The following PRKCB variants were observed in gnomAD, a reference collection of about 807,000 sequenced individuals.
PRKCB encodes protein kinase C beta, also known as protein kinase C beta type.
In PRKCB, 13 loss-of-function variants were observed where a neutral mutation model predicts 81.5. The observed-to-expected ratio is 0.16, with a 90% confidence interval of 0.10 to 0.25. The LOEUF is 0.25. Ranked by LOEUF, PRKCB falls within the 10% of genes least tolerant of loss-of-function variation. The pLI is 1.00. For missense variants in PRKCB, 509 were observed against 875.7 expected (o/e 0.58, Z 5.29); for synonymous variants, 335 against 321.4 (o/e 1.04, Z -0.45).
intron 8 of PRKCB, among the ~76,000 whole-genome samples, chr16:24,114,192 C>T (rs80171712): frequency 0.062 from 8,984 of 145,930 alleles, 385 homozygotes; most frequent in Non-Finnish European, 0.092. Context: ...ATCAGTAATG[C>T]TCTGTTGCCC....
At chr16:24,138,864 T>A (rs1966876149) in intron 9 of PRKCB, among the ~76,000 whole-genome samples, 1 of 144,532 alleles carries the variant, frequency 6.9e-6, no homozygotes, top group Non-Finnish European at 1.5e-5. Context: ...TTTTTTTTTT[T>A]TTTTTTGAGA....
intron 2 of PRKCB, among the ~76,000 whole-genome samples, chr16:23,976,114 C>G (rs1007636264): frequency 2.4e-4 from 36 of 151,986 alleles, no homozygotes; most frequent in African/African-American, 8.7e-4. Context: ...CGAAACCAGC[C>G]TGGTCAACCT....
At chr16:24,126,371 G>C (rs1966844288) in intron 9 of PRKCB, among the ~76,000 whole-genome samples, 1 of 152,152 alleles carries the variant, frequency 6.6e-6, no homozygotes, top group Admixed American at 6.5e-5. Context: ...AATAAGCTGA[G>C]TTTTTACAAA....
intron 2 of PRKCB, among the ~76,000 whole-genome samples, chr16:23,879,482 C>CTT (rs546638229): frequency 1.4e-4 from 12 of 83,198 alleles, no homozygotes; most frequent in Non-Finnish European, 2.0e-4. Flanking sequence ...TTTAGCTATC[C>CTT]TTTTTTTTTT....
At chr16:24,201,240 G>A (rs1465792649) in intron 16 of PRKCB, among the ~76,000 whole-genome samples, 4 of 152,004 alleles carry the variant, frequency 2.6e-5, no homozygotes, top group African/African-American at 9.7e-5. Flanking sequence ...AAACTCCTAT[G>A]GTTTCAAATA....
At chr16:23,896,883 A>T (rs866757933) in intron 2 of PRKCB, among the ~76,000 whole-genome samples, 8 of 149,146 alleles carry the variant, frequency 5.4e-5, no homozygotes, top group Admixed American at 2.7e-4. Context: ...CATCCATCCA[A>T]CCATCCATCC....
rs552859355 is a variant in PRKCB, at chr16:24,178,898, GT to G, written c.1395-1891del. ...CTTAGGTTAAAAGAGGCATTTATTG[GT>G]GACATAACTGAAAAATCCAGGTGCA... On this transcript the variant is annotated intron_variant, in intron 12 of 16. Coordinates refer to ENST00000643927, the MANE Select transcript of PRKCB (RefSeq NM_002738.7). Among the ~76,000 whole-genome samples the G allele has an allele frequency of 1.8e-3, 275 of 152,208 alleles. 1 individual carries two copies. The highest frequency in any genetic ancestry group is 3.1e-3 in the Non-Finnish European group (213 of 67,974).
At chr16:23,843,790 CAAAAAAAAAAAAAAA>C (rs544908905) in intron 2 of PRKCB, among the ~76,000 whole-genome samples, 4 of 113,882 alleles carry the variant, frequency 3.5e-5, no homozygotes, top group Non-Finnish European at 7.0e-5. Flanking sequence ...GTATCTAGGC[CAAAAAAAAAAAAAAA>C]AAAAAAAAAA....
intron 3 of PRKCB, among the ~76,000 whole-genome samples, chr16:24,011,189 T>C (rs1003143356): frequency 2.6e-5 from 4 of 152,026 alleles, no homozygotes; most frequent in Admixed American, 6.6e-5. Flanking sequence ...TTTTTTTAAA[T>C]TGGAGGTAGG....
chr16:24,019,959 A>G (rs1965337202), intron 3 of PRKCB, among the ~76,000 whole-genome samples: 1 of 152,168 alleles, frequency 6.6e-6, no homozygotes, highest in Admixed American at 6.5e-5. Flanking sequence ...CTGTATCTGT[A>G]TATTACTTCC....
chr16:23,844,042 G>A (rs1962317560), intron 2 of PRKCB, among the ~76,000 whole-genome samples: 1 of 152,028 alleles, frequency 6.6e-6, no homozygotes, highest in Non-Finnish European at 1.5e-5. Flanking sequence ...ATCTTCTTTT[G>A]CTACTTTTCA....
chr16:23,929,988 A>T (rs756796472), intron 2 of PRKCB, among the ~76,000 whole-genome samples: 1 of 152,058 alleles, frequency 6.6e-6, no homozygotes, highest in Non-Finnish European at 1.5e-5. Flanking sequence ...TTATATGTGT[A>T]AGACATCTCT....
intron 5 of PRKCB, among the ~76,000 whole-genome samples, chr16:24,058,683 C>A (rs1403035366): frequency 6.6e-6 from 1 of 152,128 alleles, no homozygotes; most frequent in East Asian, 1.9e-4. Context: ...ATGAAGGTGC[C>A]TAGGGTTTCT....
intron 12 of PRKCB, 143 bp downstream of exon 12, chr16:24,174,723 G>T: frequency 1.3e-6 from 1 of 761,622 alleles, no homozygotes; most frequent in Non-Finnish European, 2.1e-6. Context: ...TGTTCTGCCA[G>T]GCAGCATCGC....
chr16:24,026,801 G>A (rs1965486226), intron 3 of PRKCB, among the ~76,000 whole-genome samples: 1 of 152,202 alleles, frequency 6.6e-6, no homozygotes, highest in African/African-American at 2.4e-5. Flanking sequence ...GAGAAGTGAA[G>A]GATGTAAGGG....
At chr16:24,198,956 G>A (rs1967917688) in intron 16 of PRKCB, among the ~76,000 whole-genome samples, 1 of 152,082 alleles carries the variant, frequency 6.6e-6, no homozygotes, top group South Asian at 2.1e-4. Context: ...GCCTGTGTCA[G>A]GCCTCACTAA....
intron 3 of PRKCB, among the ~76,000 whole-genome samples, chr16:23,990,967 C>T (rs1401854016): frequency 6.6e-6 from 1 of 152,186 alleles, no homozygotes; most frequent in African/African-American, 2.4e-5. Flanking sequence ...CAGCCATCAC[C>T]CCTAGTTCTC....
intron 3 of PRKCB, among the ~76,000 whole-genome samples, chr16:24,015,737 G>A (rs1232959769): frequency 1.3e-5 from 2 of 152,228 alleles, no homozygotes; most frequent in Non-Finnish European, 2.9e-5. Context: ...GCTGTTGGAA[G>A]TGTACATTGG....
At chr16:24,094,142 C>A (rs1311350260) in intron 6 of PRKCB, 21 bp from the exon 7 acceptor site, 22 of 1,610,606 alleles carry the variant, frequency 1.4e-5, no homozygotes, top group Non-Finnish European at 1.9e-5. Flanking sequence ...CCACTGATGT[C>A]TTTTCTTTTT....
Sources: allele counts gnomAD v4.1 joint callset (sites outside exome capture counted in the v4.1 genomes callset), GRCh38; gene constraint gnomAD v4.1.1; transcripts MANE v1.5; gene names NCBI Gene and HGNC (gene_info 2026-07-23, HGNC 2026-07-21).